The following MAGI3 variants were observed in gnomAD, a reference collection of about 807,000 sequenced individuals.
MAGI3 encodes membrane-associated guanylate kinase, WW and PDZ domain-containing protein 3.
In MAGI3, 43 loss-of-function variants were observed where a neutral mutation model predicts 121.8. The observed-to-expected ratio is 0.35, with a 90% CI of 0.28 to 0.46. The LOEUF (loss-of-function observed/expected upper bound fraction) is 0.46, where lower values mean the gene tolerates loss of function less well. Ranked by LOEUF, MAGI3 falls within the 20% of genes least tolerant of loss-of-function variation. The pLI is 1.00. For missense variants in MAGI3, 1,547 were observed against 1,797.3 expected, an observed-to-expected ratio of 0.86 and a Z score of 2.52; for synonymous variants, 553 against 639.3, an observed-to-expected ratio of 0.86 and a Z score of 2.04.
intron 1 of MAGI3, among the ~76,000 whole-genome samples, chr1:113,546,769 A>G (rs1300756959): frequency 1.3e-5 from 2 of 151,984 alleles, no homozygotes; most frequent in Non-Finnish European, 2.9e-5. Flanking sequence ...TCTGAGTCTT[A>G]AGATCTTGTA....
chr1:113,505,978 G>A (rs1216868852), intron 1 of MAGI3, among the ~76,000 whole-genome samples: 1 of 152,132 alleles, frequency 6.6e-6, no homozygotes, highest in Admixed American at 6.6e-5. Context: ...AGCACTGGAA[G>A]ATTATGACAT....
chr1:113,470,180 T>C (rs74431747), intron 1 of MAGI3, among the ~76,000 whole-genome samples: 4,289 of 152,280 alleles, frequency 0.028, 89 homozygotes, highest in Middle Eastern at 0.045. Flanking sequence ...CTTTTTTTTT[T>C]TCTCTCTTGC....
chr1:113,549,685 A>G (rs1000392761), intron 2 of MAGI3, 54 bp downstream of exon 2: 3 of 915,890 alleles, frequency 3.3e-6, no homozygotes, highest in East Asian at 2.5e-5. Flanking sequence ...TTCTTAACTA[A>G]TTAAACATCT....
chr1:113,539,446 C>G (rs1659168508), intron 1 of MAGI3, among the ~76,000 whole-genome samples: 1 of 150,898 alleles, frequency 6.6e-6, no homozygotes, highest in Admixed American at 6.6e-5. Flanking sequence ...TTTTCAAAAT[C>G]ACAAGGTAAT....
chr1:113,453,674 AGTG>A (rs1362179599), intron 1 of MAGI3, among the ~76,000 whole-genome samples: 2 of 152,014 alleles, frequency 1.3e-5, no homozygotes, highest in Admixed American at 6.5e-5. Context: ...GCCCTTACAT[AGTG>A]GAGATAGCCC....
At chr1:113,512,450 G>A (rs1236973923) in intron 1 of MAGI3, among the ~76,000 whole-genome samples, 1 of 152,174 alleles carries the variant, frequency 6.6e-6, no homozygotes, top group Non-Finnish European at 1.5e-5. Flanking sequence ...AGATCTTTGT[G>A]TTCTTTTTAT....
At chr1:113,568,107 G>A (rs1660508052) in intron 2 of MAGI3, among the ~76,000 whole-genome samples, 1 of 151,970 alleles carries the variant, frequency 6.6e-6, no homozygotes, top group African/African-American at 2.4e-5. Flanking sequence ...CCAGAGTGGA[G>A]GACTACAAAG....
chr1:113,594,396 C>G lies in MAGI3; in HGVS notation c.939-85C>G, dbSNP rs963145632. 5.1e-6 allele frequency: 5 copies of G among 979,820 alleles called. No homozygotes were observed. In the African/African-American group the frequency reaches 5.1e-5, roughly 10 times the overall value. 60.7% of individuals were successfully genotyped at this position (979,820 alleles called of 1,614,324 possible). On this transcript the variant is annotated intron_variant, in intron 5 of 20. Transcript: ENST00000307546. ...GGAGATTAATGTTCAAACATCATGT[C>G]TTTTAGTCACTTTTAATCTTTACTT...
chr1:113,672,945 C>T (rs1227401846), intron 18 of MAGI3, among the ~76,000 whole-genome samples: 1 of 152,244 alleles, frequency 6.6e-6, no homozygotes, highest in Non-Finnish European at 1.5e-5. Flanking sequence ...AGCAGGAGAG[C>T]TTTGAACCCT....
intron 15 of MAGI3, among the ~76,000 whole-genome samples, chr1:113,654,748 T>C (rs1223138143): frequency 6.6e-6 from 1 of 151,922 alleles, no homozygotes; most frequent in East Asian, 1.9e-4. Flanking sequence ...TAATAATTTT[T>C]AATATAATTA....
chr1:113,681,258 G>T lies in MAGI3; in HGVS notation c.3250G>T (p.Ala1084Ser), dbSNP rs1648198797. ...TACACAAGGAATCACACATACTCGAGCAATTGAGCTCATTCAGGCTGGTGG... is the reference window on the plus strand; with the variant it reads ...TACACAAGGAATCACACATACTCGATCAATTGAGCTCATTCAGGCTGGTGG... ...EPTQGITHTR[A>S]IELIQAGGNK... Residue 1084 changes from alanine (A) to serine (S), a missense_variant, in exon 20 of 21, where the codon GCA becomes TCA. By Grantham distance (99) the Ala-to-Ser change is moderately conservative (BLOSUM62 1). Transcript: ENST00000307546. 1.2e-6 allele frequency: 2 copies of T among 1,613,986 alleles called. No individual in the cohort carries two copies. The highest frequency in any genetic ancestry group is 8.5e-7 in the Non-Finnish European group (1 of 1,180,008).
chr1:113,409,132 A>G (rs1570630093), intron 1 of MAGI3, among the ~76,000 whole-genome samples: 2 of 152,000 alleles, frequency 1.3e-5, no homozygotes, highest in East Asian at 3.9e-4. Flanking sequence ...GAAAGTTTCA[A>G]GAGGAACACA....
chr1:113,549,179 A>C (rs889039648), intron 1 of MAGI3, among the ~76,000 whole-genome samples: 1 of 152,232 alleles, frequency 6.6e-6, no homozygotes, highest in Non-Finnish European at 1.5e-5. Context: ...GGATGGATAC[A>C]TGATATGAAT....
chr1:113,549,654 G>C, intron 2 of MAGI3, 23 bp downstream of exon 2: 5 of 1,295,314 alleles, frequency 3.9e-6, no homozygotes, highest in Middle Eastern at 1.9e-4. Context: ...TGGAATAAAA[G>C]AACTGAAGCA....
Position 113,683,110 on chromosome 1 carries a change from TA to T in MAGI3, c.3545del (p.Lys1182SerfsTer10), listed in dbSNP as rs1238132459. ...ACTTTAAATGAAAATCAGCCTGAGA[TA>T]AAGCATCAGTCTCTTCTCCAGAAAA... ...KSTLNENQPE[I>X]KHQSLLQKNV... On this transcript the variant is annotated frameshift_variant, in exon 21 of 21. Coordinates refer to ENST00000307546, the MANE Select transcript of MAGI3 (RefSeq NM_001142782.2). LOFTEE classifies it low-confidence loss of function (END_TRUNC). 3 of 1,613,452 alleles carry T rather than the reference TA, an allele frequency of 1.9e-6. No individual in the cohort carries two copies. The South Asian group carries it at 3.3e-5, about 18-fold the overall frequency.
chr1:113,398,447 A>G (rs757289151), intron 1 of MAGI3, among the ~76,000 whole-genome samples: 2 of 152,178 alleles, frequency 1.3e-5, no homozygotes, highest in Non-Finnish European at 2.9e-5. Flanking sequence ...TGTCTTGGGT[A>G]TACAATGTGA....
In MAGI3 at chr1:113,683,451, A is replaced by C. The variant is rs1557891963; in HGVS notation, c.3883A>C (p.Ile1295Leu). The change falls in exon 21 of 21, where the codon ATT becomes CTT. Residue 1295 changes from isoleucine (I) to leucine (L), a missense_variant. Ile to Leu is a conservative substitution (Grantham distance 5, BLOSUM62 2). Coordinates refer to ENST00000307546, the MANE Select transcript of MAGI3 (RefSeq NM_001142782.2). ...RSASPKKQQKIEGSKAPSNAE... is the reference protein window; with the variant it reads ...RSASPKKQQKLEGSKAPSNAE... Reference sequence around the variant, plus strand: ...GGCCAGCCCAAAAAAGCAGCAAAAAATTGAAGGAAGCAAAGCTCCATCAAA... The same window carrying C: ...GGCCAGCCCAAAAAAGCAGCAAAAACTTGAAGGAAGCAAAGCTCCATCAAA... 6.2e-7 allele frequency: 1 copy of C among 1,614,038 alleles called. No individual in the cohort carries two copies. The highest frequency in any genetic ancestry group is 1.3e-5 in the African/African-American group (1 of 75,060).
At chr1:113,646,774 G>T in intron 12 of MAGI3, 132 bp downstream of exon 12, 1 of 665,570 alleles carries the variant, frequency 1.5e-6, no homozygotes, top group Non-Finnish European at 2.3e-6. Flanking sequence ...ATAGAACTCT[G>T]GACTTCTTCC....
chr1:113,619,859 A>C (rs1354818351), intron 8 of MAGI3, 29 bp downstream of exon 8: 2 of 1,496,080 alleles, frequency 1.3e-6, no homozygotes, highest in Non-Finnish European at 1.9e-6. Flanking sequence ...CTTTTCTTCT[A>C]AGAATAACTT....
Sources: gnomAD v4.1 joint callset for allele counts (sites outside exome capture counted in the v4.1 genomes callset) on GRCh38, gnomAD v4.1.1 for gene constraint, MANE v1.5 for transcripts, NCBI Gene and HGNC (gene_info 2026-07-23, HGNC 2026-07-21) for gene names.